MPND: variants seen among roughly 807,000 people sequenced by gnomAD.
The protein encoded by MPND is MPN domain-containing protein.
In MPND, 56 loss-of-function variants were observed where a neutral mutation model predicts 59.2. That is an observed-to-expected ratio of 0.95 (90% confidence interval 0.76 to 1.18). MPND has a LOEUF of 1.18. Among genes scored for constraint, MPND ranks in the 50% most tolerant of loss-of-function variants. The pLI, the probability that MPND is intolerant of heterozygous loss-of-function variation, is 0.00. For synonymous variants in MPND, 323 were observed against 291.9 expected (o/e 1.11, Z -1.09); for missense variants, 671 against 676.0 (o/e 0.99, Z 0.08).
At chr19:4,345,048 T>TC (rs1972155018) in intron 2 of MPND, among the ~76,000 whole-genome samples, 1 of 127,386 alleles carries the variant, frequency 7.9e-6, no homozygotes, top group Admixed American at 7.8e-5. Context: ...GCCTTTTTTT[T>TC]TTTTTTTTTT....
intron 3 of MPND, chr19:4,348,010 G>A (rs1319978503): frequency 6.5e-6 from 1 of 152,848 alleles, no homozygotes; most frequent in East Asian, 1.9e-4. Context: ...TCCTGCCTCA[G>A]TCTCGCGAGT....
At chr19:4,355,696 C>T (rs1274260408) in intron 8 of MPND, among the ~76,000 whole-genome samples, 1 of 151,626 alleles carries the variant, frequency 6.6e-6, no homozygotes, top group East Asian at 1.9e-4. Flanking sequence ...GTCTTGATCT[C>T]TTTACCTCGT....
chr19:4,345,698 C>T, intron 2 of MPND, 47 bp from the exon 3 acceptor site: 1 of 1,572,030 alleles, frequency 6.4e-7, no homozygotes, highest in South Asian at 1.1e-5. Flanking sequence ...GGAGAGAGGG[C>T]ATGGTGGGTG....
chr19:4,351,126 CAG>C (rs1380143409), intron 3 of MPND, among the ~76,000 whole-genome samples: 5 of 152,292 alleles, frequency 3.3e-5, no homozygotes, highest in South Asian at 4.1e-4. Context: ...TTTTTGTAGA[CAG>C]AGTCTCGCTC....
chr19:4,349,498 G>C lies in MPND; in HGVS notation c.532-3399G>C, dbSNP rs139367126. ...ACGGGAGGCTGCCGAGTCCTCAGTG[G>C]CTCAGTGAGTGGGTCTATTTTTTTT... On this transcript the variant is annotated intron_variant, in intron 3 of 12. Coordinates refer to ENST00000599840, the MANE Select transcript of MPND (RefSeq NM_001300862.2). Among the ~76,000 whole-genome samples the C allele has an allele frequency of 4.6e-3, 693 of 151,824 alleles. 3 individuals carry two copies. Among genetic ancestry groups the C allele is most frequent in the African/African-American group, 0.016 (650 of 41,428 alleles).
At chr19:4,353,299 CCT>C (rs1193776563) in intron 4 of MPND, among the ~76,000 whole-genome samples, 2 of 151,932 alleles carry the variant, frequency 1.3e-5, no homozygotes, top group Admixed American at 1.3e-4. Context: ...ATGGAGTCTC[CCT>C]CTGTCGCCCA....
rs1555737213 is a variant in MPND, at chr19:4,354,990, C to T, written c.888C>T (p.Tyr296=). The T allele has an allele frequency of 4.7e-6, 7 of 1,497,488 alleles. No individual in the cohort carries two copies. The highest frequency in any genetic ancestry group is 6.3e-6 in the Non-Finnish European group (7 of 1,112,450). 92.8% of individuals were successfully genotyped at this position (1,497,488 alleles called of 1,614,324 possible). ...TGACACGGAGTGAGGTCGTGGGTTA[C>T]CTGGGGGGCCGCTGGGACGTCAACA... ...SHLTRSEVVG[Y]LGGRWDVNSQ... The change falls in exon 7 of 13, where the codon TAC becomes TAT. Residue 296 remains tyrosine, a synonymous_variant. Coordinates refer to ENST00000599840, the MANE Select transcript of MPND (RefSeq NM_001300862.2).
At position 4,354,871 on chromosome 19, in the gene MPND, A is replaced by G. The variant is rs754759289; in HGVS notation, c.847-78A>G. 1.7e-4 allele frequency: 237 copies of G among 1,408,694 alleles called. 1 individual carries two copies. The highest frequency in any genetic ancestry group is 2.2e-4 in the Non-Finnish European group (231 of 1,036,608). 87.3% of individuals were successfully genotyped at this position (1,408,694 alleles called of 1,614,324 possible). ...AGAGCAAGACTGAGTCTCAAAGAGA[A>G]TGAGGGCACAGGCTGGCTCCAGTGT... On this transcript the variant is annotated intron_variant, in intron 6 of 12. Transcript: ENST00000599840.
intron 3 of MPND, among the ~76,000 whole-genome samples, chr19:4,350,418 C>A (rs768868745): frequency 4.9e-4 from 75 of 151,946 alleles, no homozygotes; most frequent in Non-Finnish European, 7.6e-4. Context: ...TGCTCACAGG[C>A]GTTCTCTGGT....
At chr19:4,354,863 C>CA in intron 6 of MPND, 86 bp from the exon 7 acceptor site, 1 of 1,376,710 alleles carries the variant, frequency 7.3e-7, no homozygotes, top group Non-Finnish European at 9.9e-7. Flanking sequence ...GACTGAGTCT[C>CA]AAAGAGAATG....
At chr19:4,358,061 C>T in intron 10 of MPND, 22 bp from the exon 11 acceptor site, 1 of 1,547,008 alleles carries the variant, frequency 6.5e-7, no homozygotes, top group Non-Finnish European at 8.7e-7. Context: ...AGGCTTCTCT[C>T]ACTGGTCTGT....
At chr19:4,353,745 C>T in intron 4 of MPND, 1 of 305,254 alleles carries the variant, frequency 3.3e-6, no homozygotes, top group Non-Finnish European at 6.2e-6. Flanking sequence ...TATTTTTTTT[C>T]AGAGACGAGA....
At chr19:4,358,554 G>A in intron 11 of MPND, 1 of 193,640 alleles carries the variant, frequency 5.2e-6, no homozygotes. Flanking sequence ...TTGGGAGGCT[G>A]AGGTGGGTGG....
At position 4,343,850 on chromosome 19, in the gene MPND, C is replaced by T. The variant is rs1972124946; in HGVS notation, c.150C>T (p.Ser50=). 3.4e-6 allele frequency: 4 copies of T among 1,192,716 alleles called. No individual in the cohort carries two copies. The African/African-American group carries it at 6.5e-5, about 19-fold the overall frequency. The allele number at this position is 1,192,716 out of a possible 1,614,324, so 73.9% of individuals were successfully genotyped here. ...GRSGGGGSSV[S]GGGGGGGAGA... is the part of the protein sequence containing the mutation. ...GTGGCGGCGGCGGCAGTAGCGTCAG[C>T]GGAGGAGGCGGCGGCGGCGGGGCCG... Residue 50 remains serine (S), a synonymous_variant, in exon 2 of 13, where the codon AGC becomes AGT. Transcript: ENST00000599840.
rs868749458 is a variant in MPND, at chr19:4,354,359, C to T, written c.785C>T (p.Ala262Val). Residue 262 changes from alanine (A) to valine (V), a missense_variant, in exon 6 of 13, where the codon GCA becomes GTA. Coordinates refer to ENST00000599840, the MANE Select transcript of MPND (RefSeq NM_001300862.2). ...PHTLVEVTSF[A>V]AINKFQPFNV... ...ACCCTGGTGGAAGTAACATCCTTTG[C>T]AGCCATCAACAAGTTCCAGCCGTTC... 6.4e-7 allele frequency: 1 copy of T among 1,562,094 alleles called. No individual in the cohort carries two copies. Among genetic ancestry groups the T allele is most frequent in the Non-Finnish European group, 8.7e-7 (1 of 1,151,808 alleles).
intron 3 of MPND, among the ~76,000 whole-genome samples, chr19:4,350,959 G>A (rs1972303494): frequency 1.3e-5 from 2 of 152,120 alleles, no homozygotes; most frequent in Non-Finnish European, 2.9e-5. Flanking sequence ...GGATCCGGGG[G>A]TTGTGTGAGG....
At chr19:4,357,919 A>G (rs1266866561) in intron 10 of MPND, 164 bp from the exon 11 acceptor site, 1 of 638,246 alleles carries the variant, frequency 1.6e-6, no homozygotes, top group African/African-American at 1.8e-5. Flanking sequence ...CACAGTAAGG[A>G]TGCTACACTG....
intron 8 of MPND, among the ~76,000 whole-genome samples, chr19:4,355,974 C>T (rs892476787): frequency 6.6e-6 from 1 of 151,774 alleles, no homozygotes; most frequent in Non-Finnish European, 1.5e-5. Flanking sequence ...CTGCCTCTGC[C>T]TCCTGAATAC....
chr19:4,355,533 C>T (rs1036893326), intron 8 of MPND, among the ~76,000 whole-genome samples: 1 of 152,170 alleles, frequency 6.6e-6, no homozygotes, highest in African/African-American at 2.4e-5. Flanking sequence ...GACGGGGTTT[C>T]ACCGCGTTAG....
Sources: allele counts gnomAD v4.1 joint callset (sites outside exome capture counted in the v4.1 genomes callset), GRCh38; gene constraint gnomAD v4.1.1; transcripts MANE v1.5; gene names NCBI Gene and HGNC (gene_info 2026-07-23, HGNC 2026-07-21).